The following ABHD12 variants were observed in gnomAD, a reference collection of about 807,000 sequenced individuals.
ABHD12 encodes the protein lysophosphatidylserine lipase ABHD12.
A neutral mutation model predicts 58.3 loss-of-function variants in ABHD12; 43 were observed. That is an observed-to-expected ratio of 0.74 (90% confidence interval 0.58 to 0.95). The LOEUF (loss-of-function observed/expected upper bound fraction) is 0.95. Ranked by LOEUF, ABHD12 falls within the 40% of genes least tolerant of loss-of-function variation. The pLI is 0.00. For missense variants in ABHD12, 539 were observed against 537.2 expected, an observed-to-expected ratio of 1.00 and a Z score of -0.03; for synonymous variants, 219 against 211.2, an observed-to-expected ratio of 1.04 and a Z score of -0.32.
intron 11 of ABHD12, 25 bp downstream of exon 11, chr20:25,303,525 A>G (rs2088677774): frequency 6.2e-7 from 1 of 1,612,156 alleles, no homozygotes; most frequent in Non-Finnish European, 8.5e-7. Context: ...TGCCAGCTAC[A>G]CCAGAGGCAG....
chr20:25,307,492 C>G (rs1026434884), intron 9 of ABHD12, among the ~76,000 whole-genome samples: 1 of 152,254 alleles, frequency 6.6e-6, no homozygotes, highest in Non-Finnish European at 1.5e-5. Context: ...AGGTTCCATT[C>G]CCAGCTGGGG....
chr20:25,325,327 C>T (rs1408843664), intron 2 of ABHD12, among the ~76,000 whole-genome samples: 1 of 151,976 alleles, frequency 6.6e-6, no homozygotes, highest in African/African-American at 2.4e-5. Context: ...CCCTGAGAGG[C>T]CTGGGAGGCC....
downstream of ABHD12, among the ~76,000 whole-genome samples, chr20:25,295,893 G>A (rs1480188497): frequency 2.6e-5 from 4 of 152,242 alleles, no homozygotes; most frequent in Non-Finnish European, 5.9e-5. Flanking sequence ...GCCAAGAAAG[G>A]AATGTGCGGC....
At chr20:25,303,441 T>C (rs745672409) in intron 11 of ABHD12, 109 bp downstream of exon 11, 39 of 1,544,004 alleles carry the variant, frequency 2.5e-5, no homozygotes, top group Non-Finnish European at 3.3e-5. Context: ...CAGCCCGTGA[T>C]GCAGCATGCA....
chr20:25,296,503 C>G (rs201566117), downstream of ABHD12: 18 of 1,613,466 alleles, frequency 1.1e-5, no homozygotes, highest in African/African-American at 1.2e-4. Flanking sequence ...ATCCCGCCCC[C>G]CAACATCCCC....
At position 25,339,886 on chromosome 20, in the gene ABHD12, C is replaced by T. The variant is rs372401604; in HGVS notation, c.192-535G>A. 3.1e-5 allele frequency: 22 copies of T among 719,422 alleles called. No homozygotes were observed. In the African/African-American group the frequency reaches 3.6e-4, roughly 12 times the overall value. The allele number at this position is 719,422 out of a possible 1,614,324, so 44.6% of individuals were successfully genotyped here. A position where few individuals can be genotyped will look rare whatever the true frequency, so the allele number is the denominator to read the frequency against. On this transcript the variant is annotated intron_variant, in intron 1 of 12. Transcript: ENST00000339157. ...GGCACGGTGTGTCCTTGCATTTACG[C>T]GTGGGCGAGCCCCTCTGTACCCACC...
At chr20:25,336,257 A>C (rs1235506645) in intron 2 of ABHD12, among the ~76,000 whole-genome samples, 1 of 152,202 alleles carries the variant, frequency 6.6e-6, no homozygotes, top group Non-Finnish European at 1.5e-5. Context: ...GGTGTTAACA[A>C]GCATTTTCTC....
intron 2 of ABHD12, among the ~76,000 whole-genome samples, chr20:25,327,621 GGAAC>G (rs1168795635): frequency 6.6e-6 from 1 of 152,156 alleles, no homozygotes; most frequent in African/African-American, 2.4e-5. Context: ...AATTTTGGGA[GGAAC>G]TTAGTTTATA....
chr20:25,362,799 C>T lies in ABHD12; in HGVS notation c.192-23448G>A, dbSNP rs187552406. 5.2e-3 allele frequency among the ~76,000 whole-genome samples: 793 copies of T among 151,830 alleles called. 2 individuals carry two copies. The highest frequency in any genetic ancestry group is 0.017 in the Middle Eastern group (5 of 294). On this transcript the variant is annotated intron_variant, in intron 1 of 12. Transcript: ENST00000339157. ...AAGCAATTCTCCTGCCTCAGCCTCCCGAGTAGATGGGATTGCAGGCGTGCA... is the reference window on the plus strand; with the variant it reads ...AAGCAATTCTCCTGCCTCAGCCTCCTGAGTAGATGGGATTGCAGGCGTGCA...
At chr20:25,366,152 A>G (rs1232661287) in intron 1 of ABHD12, among the ~76,000 whole-genome samples, 1 of 152,046 alleles carries the variant, frequency 6.6e-6, no homozygotes, top group African/African-American at 2.4e-5. Flanking sequence ...TTTCTTTTCA[A>G]TTCCTAGAAG....
At chr20:25,377,987 C>T (rs1005844391) in intron 1 of ABHD12, among the ~76,000 whole-genome samples, 6 of 152,214 alleles carry the variant, frequency 3.9e-5, no homozygotes, top group Non-Finnish European at 5.9e-5. Flanking sequence ...TGGGCCACCG[C>T]GTCCGGCCAG....
intron 1 of ABHD12, among the ~76,000 whole-genome samples, chr20:25,348,071 G>A (rs1446467553): frequency 2.0e-5 from 3 of 151,824 alleles, no homozygotes; most frequent in East Asian, 1.9e-4. Flanking sequence ...TTAGCTGGGC[G>A]TGGTGGCACA....
intron 1 of ABHD12, among the ~76,000 whole-genome samples, chr20:25,362,304 G>A (rs957803557): frequency 9.9e-5 from 15 of 151,764 alleles, no homozygotes; most frequent in Non-Finnish European, 1.0e-4. Flanking sequence ...GCCGGGCACA[G>A]TGGCTTACAA....
At chr20:25,300,208 C>G, downstream of ABHD12, 1 of 996,528 alleles carries the variant, frequency 1.0e-6, no homozygotes, top group Non-Finnish European at 1.2e-6. Flanking sequence ...TGCAGAGAGA[C>G]AAAAGGACCA....
At chr20:25,302,176 T>C in intron 12 of ABHD12, 43 bp downstream of exon 12, 3 of 1,611,690 alleles carry the variant, frequency 1.9e-6, no homozygotes, top group Non-Finnish European at 2.5e-6. Flanking sequence ...TGTGAGCCAG[T>C]GCTGCCCAGA....
At chr20:25,314,411 C>A (rs540993476) in intron 6 of ABHD12, among the ~76,000 whole-genome samples, 20 of 152,248 alleles carry the variant, frequency 1.3e-4, no homozygotes, top group Non-Finnish European at 2.4e-4. Context: ...GGTGCAGTGA[C>A]TCCTGCCTGT....
intron 3 of ABHD12, among the ~76,000 whole-genome samples, chr20:25,322,655 G>C (rs1394695876): frequency 1.3e-5 from 2 of 151,780 alleles, no homozygotes; most frequent in Non-Finnish European, 2.9e-5. Flanking sequence ...AAAGTGCTGG[G>C]ATTACAGGCG....
intron 1 of ABHD12, among the ~76,000 whole-genome samples, chr20:25,369,534 G>A (rs1356591493): frequency 6.6e-6 from 1 of 152,100 alleles, no homozygotes; most frequent in African/African-American, 2.4e-5. Flanking sequence ...GCTGCAGCAG[G>A]AGCAGAGGGC....
At chr20:25,310,384 C>G (rs966141006) in intron 6 of ABHD12, 1 of 152,254 alleles carries the variant, frequency 6.6e-6, no homozygotes, top group Non-Finnish European at 1.5e-5. Context: ...CTCTGCCCCC[C>G]AAAATTACAA....
Sources: gnomAD v4.1 joint callset for allele counts (sites outside exome capture counted in the v4.1 genomes callset) on GRCh38, gnomAD v4.1.1 for gene constraint, MANE v1.5 for transcripts, NCBI Gene and HGNC (gene_info 2026-07-23, HGNC 2026-07-21) for gene names.